Variants in MTMR8 observed in about 807,000 individuals in gnomAD.
MTMR8 encodes the protein phosphatidylinositol-3,5-bisphosphate 3-phosphatase MTMR8.
In MTMR8, 65 loss-of-function variants were observed where a neutral mutation model predicts 39.3. That is an observed-to-expected ratio of 1.65 (90% CI 1.35 to 2.03). The LOEUF is 2.03. Among genes scored for constraint, MTMR8 ranks in the 30% most tolerant of loss-of-function variants. MTMR8 has a pLI of 0.00. For synonymous variants in MTMR8, 245 were observed against 185.2 expected, an observed-to-expected ratio of 1.32 and a Z score of -2.62; for missense variants, 777 against 538.9, an observed-to-expected ratio of 1.44 and a Z score of -4.37.
chrX:64,392,663 A>C (rs1437994662), intron 1 of MTMR8, among the ~76,000 whole-genome samples: 1 of 110,906 alleles, frequency 9.0e-6, no homozygotes, highest in Non-Finnish European at 1.9e-5. Flanking sequence ...TTTTAAGTTT[A>C]TAGCACAATG....
At chrX:64,312,948 C>T (rs1273181125) in intron 12 of MTMR8, among the ~76,000 whole-genome samples, 1 of 112,449 alleles carries the variant, frequency 8.9e-6, no homozygotes, top group African/African-American at 3.2e-5. Context: ...TGTGAGCAGA[C>T]ATGCTATCAT....
chrX:64,269,189 T>G, intron 13 of MTMR8, 146 bp from the exon 14 acceptor site: 1 of 536,539 alleles, frequency 1.9e-6, no homozygotes, highest in Non-Finnish European at 3.0e-6. Flanking sequence ...CACAACATCT[T>G]TCCCTCATCA....
chrX:64,358,978 C>A (rs1007038679), intron 2 of MTMR8, among the ~76,000 whole-genome samples: 25 of 110,051 alleles, frequency 2.3e-4, no homozygotes, highest in Non-Finnish European at 4.7e-4. Context: ...ATCAGCATAA[C>A]CTGAGCCCTT....
At chrX:64,389,997 C>T (rs1740812472) in intron 1 of MTMR8, among the ~76,000 whole-genome samples, 1 of 112,006 alleles carries the variant, frequency 8.9e-6, no homozygotes, top group African/African-American at 3.2e-5. Context: ...CAATTCTCAC[C>T]TCTGGAAATC....
intron 12 of MTMR8, 67 bp from the exon 13 acceptor site, chrX:64,271,140 T>C: frequency 9.5e-7 from 1 of 1,057,403 alleles, no homozygotes; most frequent in Non-Finnish European, 1.2e-6. Context: ...ACCAATGTTT[T>C]CCTTGTGCCA....
At chrX:64,358,878 C>CACACACAT (rs1307525485) in intron 2 of MTMR8, among the ~76,000 whole-genome samples, 2 of 107,032 alleles carry the variant, frequency 1.9e-5, no homozygotes, top group African/African-American at 6.7e-5. Context: ...CACACACACA[C>CACACACAT]ATATATATAT....
intron 12 of MTMR8, among the ~76,000 whole-genome samples, chrX:64,312,041 G>T (rs1436993960): frequency 9.0e-6 from 1 of 111,047 alleles, no homozygotes; most frequent in East Asian, 2.8e-4. Flanking sequence ...TTCTGTGAAG[G>T]AAGTCATTGG....
At chrX:64,325,789 G>A (rs1038011742) in intron 12 of MTMR8, among the ~76,000 whole-genome samples, 13 of 111,641 alleles carry the variant, frequency 1.2e-4, no homozygotes, top group African/African-American at 3.3e-4. Flanking sequence ...CCTAGCCACA[G>A]CAATTAGGCA....
chrX:64,269,172 C>A (rs1009578680), intron 13 of MTMR8, 129 bp from the exon 14 acceptor site: 7 of 623,279 alleles, frequency 1.1e-5, no homozygotes, highest in Non-Finnish European at 1.7e-5. Context: ...TTGCTCACCC[C>A]CTCCCCCACA....
intron 12 of MTMR8, among the ~76,000 whole-genome samples, chrX:64,278,622 C>T (rs751231709): frequency 3.3e-4 from 36 of 107,481 alleles, no homozygotes; most frequent in Non-Finnish European, 6.3e-4. Context: ...TACAGGTGGG[C>T]GCCACCATGC....
intron 12 of MTMR8, among the ~76,000 whole-genome samples, chrX:64,303,224 C>A (rs755854089): frequency 8.9e-6 from 1 of 112,243 alleles, no homozygotes; most frequent in South Asian, 3.7e-4. Context: ...TGAGCATTTG[C>A]ATTTACCAAA....
rs1186842588 is a variant in MTMR8 at position 64,343,605 on chromosome X, T to TA, written c.975+5dup. On this transcript the variant is annotated splice_donor_region_variant and intron_variant, in intron 8 of 13. Transcript: ENST00000374852. ...CAGTGCAAATTTTAAAAGTCCTGAT[T>TA]ATTACCTTTGTAATGAAAATTCCAG... is the stretch of plus-strand genomic sequence containing the variant. 8.7e-7 allele frequency: 1 copy of TA among 1,145,085 alleles called. No homozygotes were observed. Among genetic ancestry groups the TA allele is most frequent in the Non-Finnish European group, 1.2e-6 (1 of 838,363 alleles). 94.4% of individuals were successfully genotyped at this position (1,145,085 alleles called of 1,213,427 possible). A position where few individuals can be genotyped will look rare whatever the true frequency, so the allele number is the denominator to read the frequency against.
chrX:64,299,745 C>A (rs1237516738), intron 12 of MTMR8, among the ~76,000 whole-genome samples: 1 of 101,044 alleles, frequency 9.9e-6, no homozygotes, highest in Admixed American at 1.1e-4. Context: ...CTACACACTG[C>A]TTTGAATGCG....
chrX:64,335,982 C>T (rs1923062873), intron 10 of MTMR8, 97 bp downstream of exon 10: 5 of 588,348 alleles, frequency 8.5e-6, no homozygotes, highest in East Asian at 7.3e-5. Flanking sequence ...TGTTCAACTT[C>T]CTCTTCCTTC....
At chrX:64,345,276 C>T in intron 6 of MTMR8, 99 bp from the exon 7 acceptor site, 1 of 885,158 alleles carries the variant, frequency 1.1e-6, no homozygotes, top group Non-Finnish European at 1.6e-6. Context: ...TAAAATCCTA[C>T]CCAATTAAAA....
At chrX:64,371,466 C>T (rs750416297) in intron 1 of MTMR8, among the ~76,000 whole-genome samples, 7 of 111,797 alleles carry the variant, frequency 6.3e-5, no homozygotes, top group African/African-American at 2.3e-4. Flanking sequence ...TGCTATATCA[C>T]GTTTAGAAAG....
At chrX:64,323,335 A>G in intron 12 of MTMR8, among the ~76,000 whole-genome samples, 2 of 112,653 alleles carry the variant, frequency 1.8e-5, no homozygotes, top group South Asian at 7.3e-4. Flanking sequence ...AGTTCATTAT[A>G]TAATGAAAAG....
At chrX:64,347,162 C>T (rs935826651) in intron 6 of MTMR8, among the ~76,000 whole-genome samples, 2 of 110,472 alleles carry the variant, frequency 1.8e-5, no homozygotes, top group Admixed American at 9.7e-5. Context: ...ACGGATCTAG[C>T]CATCCAGAAG....
chrX:64,335,492 T>A (rs1312504902), intron 10 of MTMR8, among the ~76,000 whole-genome samples: 5 of 112,219 alleles, frequency 4.5e-5, no homozygotes, highest in African/African-American at 1.6e-4. Flanking sequence ...ATACAGCACA[T>A]TGTTAGGCAT....
Sources: allele counts gnomAD v4.1 joint callset (sites outside exome capture counted in the v4.1 genomes callset), GRCh38; gene constraint gnomAD v4.1.1; transcripts MANE v1.5; gene names NCBI Gene and HGNC (gene_info 2026-07-23, HGNC 2026-07-21).